The following GABRA3 variants were observed in gnomAD, a reference collection of about 807,000 sequenced individuals.
GABRA3 encodes the protein gamma-aminobutyric acid receptor subunit alpha-3.
Under a neutral mutation model 30.1 loss-of-function variants are expected in GABRA3, and 10 were observed. That is an observed-to-expected ratio of 0.33 (90% confidence interval 0.20 to 0.56). The LOEUF (loss-of-function observed/expected upper bound fraction) is 0.56. GABRA3 is among the 20% of genes least tolerant of loss of function. The probability of loss-of-function intolerance (pLI) is 0.89; values close to 1 mark genes in which losing one functional copy is unlikely to be tolerated. For missense variants in GABRA3, 233 were observed against 392.0 expected (o/e 0.59, Z 3.42); for synonymous variants, 151 against 146.8 (o/e 1.03, Z -0.21).
chrX:152,311,903 C>T lies in GABRA3; in HGVS notation c.263-27168G>A, dbSNP rs188322891. ...AATGTACAAATTTCAGTAGTATTTC[C>T]GTACACCAAAAGCATCCAAGCTGAA... is the stretch of plus-strand genomic sequence containing the variant. On this transcript the variant is annotated intron_variant, in intron 3 of 9. Transcript: ENST00000370314. Among the ~76,000 whole-genome samples the T allele has an allele frequency of 5.0e-3, 549 of 110,282 alleles. 5 individuals are homozygous for T. The highest frequency in any genetic ancestry group is 0.017 in the African/African-American group (508 of 30,516).
intron 6 of GABRA3, among the ~76,000 whole-genome samples, chrX:152,212,581 T>C (rs1012694674): frequency 9.0e-5 from 10 of 110,775 alleles, no homozygotes; most frequent in Non-Finnish European, 1.3e-4. Context: ...AGAGTGAAAC[T>C]GAAGCCAAGA....
intron 3 of GABRA3, among the ~76,000 whole-genome samples, chrX:152,309,001 T>G (rs143265432): frequency 9.8e-5 from 11 of 112,214 alleles, no homozygotes; most frequent in African/African-American, 3.2e-4. Context: ...CAGAAGAAAT[T>G]ATTAACAGCA....
At chrX:152,266,064 G>T (rs943678672) in intron 4 of GABRA3, among the ~76,000 whole-genome samples, 5 of 111,153 alleles carry the variant, frequency 4.5e-5, no homozygotes, top group African/African-American at 1.6e-4. Context: ...ATTTAAAGAA[G>T]AACTAATACC....
At chrX:152,225,927 C>T (rs1227710841) in intron 5 of GABRA3, among the ~76,000 whole-genome samples, 1 of 110,781 alleles carries the variant, frequency 9.0e-6, no homozygotes, top group African/African-American at 3.3e-5. Flanking sequence ...TGGCTTCTTC[C>T]CTTAGATAGG....
intron 5 of GABRA3, among the ~76,000 whole-genome samples, chrX:152,230,593 G>GT (rs1269036507): frequency 3.6e-4 from 40 of 110,765 alleles, no homozygotes; most frequent in Non-Finnish European, 7.6e-4. Context: ...ATATGGTGCA[G>GT]TTTTGGCCTA....
intron 2 of GABRA3, among the ~76,000 whole-genome samples, chrX:152,348,754 T>A (rs1221238852): frequency 3.6e-5 from 4 of 112,315 alleles, no homozygotes; most frequent in African/African-American, 9.7e-5. Flanking sequence ...CTATTAAGTG[T>A]TCAATAGCAT....
intron 4 of GABRA3, among the ~76,000 whole-genome samples, chrX:152,283,535 A>G (rs1361736113): frequency 2.7e-5 from 3 of 112,010 alleles, no homozygotes; most frequent in African/African-American, 9.7e-5. Flanking sequence ...TGTAAAATCA[A>G]CGGGCCTAAA....
At chrX:152,178,354 G>C (rs756728198) in intron 9 of GABRA3, among the ~76,000 whole-genome samples, 87 of 110,995 alleles carry the variant, frequency 7.8e-4, no homozygotes, top group Non-Finnish European at 1.4e-3. Context: ...AAGACCACCA[G>C]TTTATGAGTA....
At chrX:152,333,287 A>G (rs1288667656) in intron 3 of GABRA3, among the ~76,000 whole-genome samples, 1 of 112,190 alleles carries the variant, frequency 8.9e-6, no homozygotes, top group East Asian at 2.8e-4. Context: ...AGAACAAAAT[A>G]TCCTGTAGCC....
At chrX:152,212,792 A>G (rs943134914) in intron 6 of GABRA3, among the ~76,000 whole-genome samples, 3 of 111,802 alleles carry the variant, frequency 2.7e-5, no homozygotes, top group Non-Finnish European at 5.6e-5. Context: ...TAGCTTTTCC[A>G]AGTACATGGA....
intron 3 of GABRA3, among the ~76,000 whole-genome samples, chrX:152,297,684 G>T (rs889367760): frequency 1.8e-5 from 2 of 112,031 alleles, no homozygotes; most frequent in Non-Finnish European, 3.8e-5. Context: ...TCTTTATCTA[G>T]AACATGAAGA....
chrX:152,444,037 T>A (rs924646358), intron 1 of GABRA3, among the ~76,000 whole-genome samples: 1 of 111,291 alleles, frequency 9.0e-6, no homozygotes, highest in Non-Finnish European at 1.9e-5. Context: ...ATCTCTGGAC[T>A]AGGGATTTAG....
At chrX:152,208,293 G>GTCCA (rs765316532) in intron 6 of GABRA3, 149 bp from the exon 7 acceptor site, 76 of 523,716 alleles carry the variant, frequency 1.5e-4, no homozygotes, top group African/African-American at 1.3e-3. Flanking sequence ...CCATCCATCC[G>GTCCA]TCCATCCATC....
intron 5 of GABRA3, among the ~76,000 whole-genome samples, chrX:152,241,968 C>T (rs1247102731): frequency 2.7e-5 from 3 of 111,748 alleles, no homozygotes; most frequent in Non-Finnish European, 1.9e-5. Flanking sequence ...CCGTCTTCTG[C>T]GTCGCTCACG....
chrX:152,242,963 T>A (rs998660726), intron 5 of GABRA3, among the ~76,000 whole-genome samples: 14 of 112,341 alleles, frequency 1.2e-4, no homozygotes, highest in Non-Finnish European at 2.4e-4. Flanking sequence ...ACGGAATCAA[T>A]TTAAGCATTC....
chrX:152,379,982 C>T (rs181849382), intron 1 of GABRA3, among the ~76,000 whole-genome samples: 186 of 110,312 alleles, frequency 1.7e-3, no homozygotes, highest in African/African-American at 5.1e-3. Flanking sequence ...GGATTAGAGG[C>T]GCCCACCACC....
intron 1 of GABRA3, among the ~76,000 whole-genome samples, chrX:152,410,832 A>G (rs1930052014): frequency 9.0e-6 from 1 of 111,320 alleles, no homozygotes; most frequent in Non-Finnish European, 1.9e-5. Context: ...TCACAACAAA[A>G]AAGAAAATTA....
intron 8 of GABRA3, among the ~76,000 whole-genome samples, chrX:152,190,870 G>T: frequency 9.7e-6 from 1 of 102,672 alleles, no homozygotes; most frequent in African/African-American, 3.6e-5. Context: ...ATATGCATGT[G>T]AATATATATA....
At position 152,369,081 on chromosome X, in the gene GABRA3, T is replaced by C. The variant is rs1166393421; in HGVS notation, c.-26-4485A>G. Among the ~76,000 whole-genome samples the C allele has an allele frequency of 3.6e-5, 4 of 111,316 alleles. No homozygotes were observed. In the East Asian group the frequency reaches 1.1e-3, roughly 32 times the overall value. ...TGCTAATTTGCATTCCCACCAACAG[T>C]GTGTGAAGGTCCCTTTTCTCCACAT... On this transcript the variant is annotated intron_variant, in intron 1 of 9. Transcript: ENST00000370314.
Sources: gnomAD v4.1 joint callset for allele counts (sites outside exome capture counted in the v4.1 genomes callset) on GRCh38, gnomAD v4.1.1 for gene constraint, MANE v1.5 for transcripts, NCBI Gene and HGNC (gene_info 2026-07-23, HGNC 2026-07-21) for gene names.